The following ZNF189 variants were observed in gnomAD, a reference collection of about 807,000 sequenced individuals.
ZNF189 encodes zinc finger protein 189.
In ZNF189, 33 loss-of-function variants were observed where a neutral mutation model predicts 53.5. The observed-to-expected ratio is 0.62, with a 90% CI of 0.47 to 0.82. The LOEUF (loss-of-function observed/expected upper bound fraction) is 0.82, where lower values mean the gene tolerates loss of function less well. Among genes scored for constraint, ZNF189 ranks in the 40% least tolerant of loss-of-function variants. The pLI, the probability that ZNF189 is intolerant of heterozygous loss-of-function variation, is 0.00. For missense variants in ZNF189, 711 were observed against 753.9 expected (o/e 0.94, Z 0.67); for synonymous variants, 247 against 238.8 (o/e 1.03, Z -0.32).
chr9:101,407,068 CTTAT>C (rs1564069762), intron 2 of ZNF189, among the ~76,000 whole-genome samples: 1 of 152,204 alleles, frequency 6.6e-6, no homozygotes, highest in Non-Finnish European at 1.5e-5. Context: ...TTTCTTAATA[CTTAT>C]TTTATTCTGC....
intron 2 of ZNF189, among the ~76,000 whole-genome samples, chr9:101,400,249 C>T (rs1830484440): frequency 1.3e-5 from 2 of 152,138 alleles, no homozygotes; most frequent in South Asian, 4.1e-4. Context: ...CTGTACTTTC[C>T]GTCCTGGCTC....
At position 101,407,950 on chromosome 9, in the gene ZNF189, A is replaced by G. The variant is rs377579840; in HGVS notation, c.182A>G (p.Asp61Gly). Residue 61 changes from aspartate (D) to glycine (G), a missense_variant, in exon 3 of 3, where the codon GAT becomes GGT. Coordinates refer to ENST00000339664, the MANE Select transcript of ZNF189 (RefSeq NM_003452.4). ...VSLDVLNRDK[D>G]EEPTVKQEIE... ...CCAGATGTTTTGAACAGAGATAAGG[A>G]TGAGGAGCCAACTGTAAAACAAGAG... The G allele has an allele frequency of 1.1e-4, 169 of 1,583,564 alleles. No homozygotes were observed. The highest frequency in any genetic ancestry group is 1.4e-4 in the Non-Finnish European group (164 of 1,167,894).
chr9:101,407,815 A>G, intron 2 of ZNF189, 114 bp from the exon 3 acceptor site: 1 of 1,097,678 alleles, frequency 9.1e-7, no homozygotes. Context: ...TTTCCTTGAT[A>G]GACTGATTAA....
At chr9:101,399,693 C>T (rs146757173) in intron 1 of ZNF189, among the ~76,000 whole-genome samples, 191 bp from the exon 2 acceptor site, 1 of 152,168 alleles carries the variant, frequency 6.6e-6, no homozygotes, top group Admixed American at 6.5e-5. Context: ...AAGCCTTATC[C>T]GTAGGTCCTT....
chr9:101,400,377 C>T (rs1830488871), intron 2 of ZNF189, among the ~76,000 whole-genome samples: 2 of 152,170 alleles, frequency 1.3e-5, no homozygotes, highest in African/African-American at 2.4e-5. Context: ...ATCCCAAGGA[C>T]AACGTTTCTC....
chr9:101,406,740 A>C lies in ZNF189; in HGVS notation c.161-1189A>C, dbSNP rs1245601824. ...CAAATATAAATGTGGTCATTATTGA[A>C]TCTTCTAGCGGAATTATCTAATATC... On this transcript the variant is annotated intron_variant, in intron 2 of 2. Transcript: ENST00000339664. Among the ~76,000 whole-genome samples the C allele has an allele frequency of 2.0e-5, 3 of 152,220 alleles. No homozygotes were observed. In the East Asian group the frequency reaches 5.8e-4, roughly 29 times the overall value.
chr9:101,399,322 C>T, intron 1 of ZNF189, 133 bp downstream of exon 1: 3 of 1,430,676 alleles, frequency 2.1e-6, no homozygotes, highest in Non-Finnish European at 2.8e-6. Context: ...GCAAGGAACT[C>T]CCCACTAGTG....
rs142510505 is a variant in ZNF189 at position 101,408,510 on chromosome 9, G to A, written c.742G>A (p.Val248Ile). 6.8e-6 allele frequency: 11 copies of A among 1,614,114 alleles called. No individual in the cohort carries two copies. Among genetic ancestry groups the A allele is most frequent in the Non-Finnish European group, 9.3e-6 (11 of 1,180,028 alleles). ...KQSFSQRRSL[V>I]KHQRIHTGEK... The stretch of plus-strand genomic sequence containing the variant: ...GAGCTTCAGCCAGAGAAGGAGCCTT[G>A]TTAAACATCAAAGGATTCATACAGG... The change falls in exon 3 of 3, where the codon GTT (valine) becomes ATT (isoleucine). Residue 248 changes from valine to isoleucine, a missense_variant. Coordinates refer to ENST00000339664, the MANE Select transcript of ZNF189 (RefSeq NM_003452.4).
chr9:101,399,113 C>T lies in ZNF189; in HGVS notation c.-44C>T, dbSNP rs1373499497. On this transcript the variant is annotated 5_prime_UTR_variant, in exon 1 of 3. Transcript: ENST00000339664. ...GTAGGCCTCACCAGAGGCTCCTTTC[C>T]GTGAGGCCGCCCCCAATTCCTGCCC... 1 of 1,469,582 alleles carries T rather than the reference C, an allele frequency of 6.8e-7. No individual in the cohort carries two copies. The highest frequency in any genetic ancestry group is 1.7e-5 in the Admixed American group (1 of 59,370). The allele number at this position is 1,469,582 out of a possible 1,614,324, so 91.0% of individuals were successfully genotyped here. A position where few individuals can be genotyped will look rare whatever the true frequency, so the allele number is the denominator to read the frequency against.
chr9:101,404,757 T>C (rs184973436), intron 2 of ZNF189, among the ~76,000 whole-genome samples: 5 of 152,352 alleles, frequency 3.3e-5, no homozygotes, highest in Non-Finnish European at 7.3e-5. Flanking sequence ...TATCCACTAA[T>C]CCAACTAACA....
rs1830903244 is a variant in ZNF189, at chr9:101,410,521, T to C, written c.*872T>C. On this transcript the variant is annotated 3_prime_UTR_variant, in exon 3 of 3. Coordinates refer to ENST00000339664, the MANE Select transcript of ZNF189 (RefSeq NM_003452.4). The stretch of plus-strand genomic sequence containing the variant: ...GAAGCTGAGATATTTTGGTATTGCA[T>C]TGGTTTTTATGGTAACTAGGTTTTG... 6.6e-6 allele frequency: 1 copy of C among 152,240 alleles called. No individual in the cohort carries two copies. The highest frequency in any genetic ancestry group is 1.9e-4 in the East Asian group (1 of 5,196). The allele number at this position is 152,240 out of a possible 1,614,324, so 9.4% of individuals were successfully genotyped here.
rs200483915 is a variant in ZNF189, at chr9:101,399,202, C to G, written c.33+13C>G. 5,130 of 1,581,558 alleles carry G rather than the reference C, an allele frequency of 3.2e-3. 17 individuals are homozygous for G. The highest frequency in any genetic ancestry group is 4.1e-3 in the Non-Finnish European group (4,721 of 1,154,764). On this transcript the variant is annotated intron_variant, in intron 1 of 2. Coordinates refer to ENST00000339664, the MANE Select transcript of ZNF189 (RefSeq NM_003452.4). ...GCCGGAGTCGAAGGTAAGTAAGCAC[C>G]CCCCCGGGGATCCCGGTTGTCTCGC...
At position 101,408,235 on chromosome 9, in the gene ZNF189, G is replaced by T. The variant is rs779467531; in HGVS notation, c.467G>T (p.Gly156Val). The change falls in exon 3 of 3, where the codon GGT (glycine) becomes GTT (valine). Residue 156 changes from glycine to valine, a missense_variant. Gly to Val is a moderately radical substitution (Grantham distance 109, BLOSUM62 -3). Coordinates refer to ENST00000339664, the MANE Select transcript of ZNF189 (RefSeq NM_003452.4). Reference protein sequence around the residue: ...KCHKCEECGKGFVRKAHFIQH... With the variant: ...KCHKCEECGKVFVRKAHFIQH... ...CATAAATGTGAAGAATGTGGAAAGG[G>T]TTTTGTCCGCAAGGCCCATTTCATT... is the stretch of plus-strand genomic sequence containing the variant. 1 of 1,614,186 alleles carries T rather than the reference G, an allele frequency of 6.2e-7. No homozygotes were observed. The highest frequency in any genetic ancestry group is 2.2e-5 in the East Asian group (1 of 44,870).
rs1830728695 is a variant in ZNF189 at position 101,406,815 on chromosome 9, A to G, written c.161-1114A>G. Among the ~76,000 whole-genome samples, 3 of 152,160 alleles carry G rather than the reference A, an allele frequency of 2.0e-5. No individual in the cohort carries two copies. The South Asian group carries it at 6.2e-4, about 32-fold the overall frequency. The stretch of plus-strand genomic sequence containing the variant: ...AGGAAGATGTCCGAAGCGGGCCTAG[A>G]TGTACTATATGACACTCTGTTATAT... On this transcript the variant is annotated intron_variant, in intron 2 of 2. Coordinates refer to ENST00000339664, the MANE Select transcript of ZNF189 (RefSeq NM_003452.4).
intron 2 of ZNF189, among the ~76,000 whole-genome samples, chr9:101,400,739 C>T (rs1830502615): frequency 6.6e-6 from 1 of 152,228 alleles, no homozygotes; most frequent in South Asian, 2.1e-4. Context: ...CAGCACCTTA[C>T]ATCATTGATC....
Position 101,409,563 on chromosome 9 carries a change from C to T in ZNF189, c.1795C>T (p.His599Tyr), listed in dbSNP as rs112338244. The change falls in exon 3 of 3, where the codon CAT becomes TAT. Residue 599 changes from histidine to tyrosine, a missense_variant. Physicochemically the swap from His to Tyr is moderately conservative, Grantham distance 83 (BLOSUM62 2). Transcript: ENST00000339664. ...TGCAGAGGTGAAAACCCAAGAAACC[C>T]ATGAATGTGACGCTTGTGGTGAAGC... is the stretch of plus-strand genomic sequence containing the variant. ...IHAEVKTQET[H>Y]ECDACGEAFN... is the part of the protein sequence containing the mutation. 24 of 1,613,908 alleles carry T rather than the reference C, an allele frequency of 1.5e-5. No individual in the cohort carries two copies. Among genetic ancestry groups the T allele is most frequent in the Non-Finnish European group, 2.0e-5 (24 of 1,180,002 alleles).
intron 2 of ZNF189, 147 bp downstream of exon 2, chr9:101,400,157 C>T: frequency 1.8e-6 from 2 of 1,105,326 alleles, no homozygotes; most frequent in Non-Finnish European, 2.5e-6. Flanking sequence ...GTTTCCATAA[C>T]TCTCATCCCT....
intron 2 of ZNF189, among the ~76,000 whole-genome samples, chr9:101,406,683 G>A (rs1270362875): frequency 6.6e-6 from 1 of 152,158 alleles, no homozygotes; most frequent in Non-Finnish European, 1.5e-5. Context: ...TGAGAGAAAA[G>A]AGGATGTATG....
Position 101,408,034 on chromosome 9 carries a change from G to A in ZNF189, c.266G>A (p.Ser89Asn). The A allele has an allele frequency of 6.2e-7, 1 of 1,613,840 alleles. No individual in the cohort carries two copies. Among genetic ancestry groups the A allele is most frequent in the Non-Finnish European group, 8.5e-7 (1 of 1,179,934 alleles). ...PQGVIVTRIKSEIDQDPMGRE... is the reference protein window; with the variant it reads ...PQGVIVTRIKNEIDQDPMGRE... ...GGTGTAATAGTTACAAGAATCAAAA[G>A]TGAAATTGACCAGGATCCTATGGGT... The change falls in exon 3 of 3, where the codon AGT becomes AAT. Residue 89 changes from serine to asparagine, a missense_variant. Transcript: ENST00000339664.
Sources: allele counts gnomAD v4.1 joint callset (sites outside exome capture counted in the v4.1 genomes callset), GRCh38; gene constraint gnomAD v4.1.1; transcripts MANE v1.5; gene names NCBI Gene and HGNC (gene_info 2026-07-23, HGNC 2026-07-21).